The following SAPCD2 variants were observed in gnomAD, a reference collection of about 807,000 sequenced individuals.
SAPCD2 encodes the protein suppressor APC domain containing 2, also known as suppressor APC domain-containing protein 2.
Under a neutral mutation model 37.8 loss-of-function variants are expected in SAPCD2, and 34 were observed. That is an observed-to-expected ratio of 0.90 (90% CI 0.68 to 1.20). SAPCD2 has a LOEUF of 1.20. Among genes scored for constraint, SAPCD2 ranks in the 50% most tolerant of loss-of-function variants. SAPCD2 has a pLI of 0.00. For synonymous variants in SAPCD2, 275 were observed against 270.3 expected (o/e 1.02, Z -0.17); for missense variants, 572 against 584.7 (o/e 0.98, Z 0.22).
Position 137,062,696 on chromosome 9 carries a change from A to C in SAPCD2, c.*1963T>G, listed in dbSNP as rs1231416721. ...AGGGCAGGCTCCAGGCAGGGTCTGCATGTGCCTCTGCCAGCCACCTAGACC... is the reference window on the plus strand; with the variant it reads ...AGGGCAGGCTCCAGGCAGGGTCTGCCTGTGCCTCTGCCAGCCACCTAGACC... On this transcript the variant is annotated 3_prime_UTR_variant, in exon 6 of 6. Transcript: ENST00000409687. 6.6e-6 allele frequency: 1 copy of C among 152,194 alleles called. No homozygotes were observed. Among genetic ancestry groups the C allele is most frequent in the Non-Finnish European group, 1.5e-5 (1 of 68,040 alleles). 9.4% of individuals were successfully genotyped at this position (152,194 alleles called of 1,614,324 possible).
chr9:137,066,136 G>C (rs1832542594), intron 2 of SAPCD2, 126 bp downstream of exon 2: 6 of 763,580 alleles, frequency 7.9e-6, no homozygotes, highest in Admixed American at 2.2e-5. Flanking sequence ...GGTAGGGAGA[G>C]AGATGTCCAG....
Position 137,069,974 on chromosome 9 carries a change from C to T in SAPCD2, c.487G>A (p.Ala163Thr), listed in dbSNP as rs568945651. 1.1e-4 allele frequency: 136 copies of T among 1,242,918 alleles called. 1 individual carries two copies. The East Asian group carries it at 4.2e-3, about 38-fold the overall frequency. 77.0% of individuals were successfully genotyped at this position (1,242,918 alleles called of 1,614,324 possible). Residue 163 changes from alanine to threonine, a missense_variant, in exon 1 of 6, where the codon GCC becomes ACC. Ala to Thr is a moderately conservative substitution (Grantham distance 58). Coordinates refer to ENST00000409687, the MANE Select transcript of SAPCD2 (RefSeq NM_178448.4). ...AAARSPEQLC[A>T]PAEAAPCPAE... ...GGGCAGGGCGCCGCCTCAGCCGGGGCGCACAGCTGCTCCGGGCTGCGGGCG... is the reference window on the plus strand; with the variant it reads ...GGGCAGGGCGCCGCCTCAGCCGGGGTGCACAGCTGCTCCGGGCTGCGGGCG...
Position 137,070,431 on chromosome 9 carries a change from G to GGTGGA in SAPCD2, c.29_30insTCCAC (p.Arg11ProfsTer74), listed in dbSNP as rs1235860091. The GGTGGA allele has an allele frequency of 1.6e-6, 2 of 1,265,484 alleles. No homozygotes were observed. 78.4% of individuals were successfully genotyped at this position (1,265,484 alleles called of 1,614,324 possible). A position where few individuals can be genotyped will look rare whatever the true frequency, so the allele number is the denominator to read the frequency against. ...GCGCGGGTGCGGGGGGAGGCACGCG[G>GGTGGA]CCCCGCTCGGCCATGGCGGCCCCGG... On this transcript the variant is annotated frameshift_variant, in exon 1 of 6. Coordinates refer to ENST00000409687, the MANE Select transcript of SAPCD2 (RefSeq NM_178448.4). LOFTEE classifies it high-confidence loss of function.
chr9:137,067,767 T>TC lies in SAPCD2; in HGVS notation c.572-1394dup, dbSNP rs543725872. 2.4e-3 allele frequency among the ~76,000 whole-genome samples: 191 copies of TC among 78,268 alleles called. 1 individual carries two copies. Among genetic ancestry groups the TC allele is most frequent in the African/African-American group, 9.1e-3 (186 of 20,522 alleles). The allele number at this position is 78,268 out of a possible 152,430, so 51.3% of individuals were successfully genotyped here. On this transcript the variant is annotated intron_variant, in intron 1 of 5. Coordinates refer to ENST00000409687, the MANE Select transcript of SAPCD2 (RefSeq NM_178448.4). Reference sequence around the variant, plus strand: ...TCCAGCCTGGGCGACAGAGCAAGACTCCATCTCAAAAAAAAAAAAAAAAAA... The same window carrying TC: ...TCCAGCCTGGGCGACAGAGCAAGACTCCCATCTCAAAAAAAAAAAAAAAAAA...
Position 137,070,243 on chromosome 9 carries a change from C to A in SAPCD2, c.218G>T (p.Arg73Leu). ...GTAGCCGCTGGCCGGGGCCACCTGG[C>A]GCAAGCCCTCCAGCACCCCGCGGGG... is the stretch of plus-strand genomic sequence containing the variant. ...ELPRGVLEGL[R>L]QVAPASGYLT... Residue 73 changes from arginine to leucine, a missense_variant, in exon 1 of 6, where the codon CGC (arginine) becomes CTC (leucine). Arg to Leu is a moderately radical substitution (Grantham distance 102). Coordinates refer to ENST00000409687, the MANE Select transcript of SAPCD2 (RefSeq NM_178448.4). The A allele has an allele frequency of 2.1e-6, 3 of 1,419,434 alleles. No homozygotes were observed. The highest frequency in any genetic ancestry group is 1.8e-6 in the Non-Finnish European group (2 of 1,083,490). 87.9% of individuals were successfully genotyped at this position (1,419,434 alleles called of 1,614,324 possible). A position where few individuals can be genotyped will look rare whatever the true frequency, so the allele number is the denominator to read the frequency against.
intron 1 of SAPCD2, among the ~76,000 whole-genome samples, chr9:137,067,787 A>G (rs1439730380): frequency 6.7e-6 from 1 of 149,176 alleles, no homozygotes; most frequent in Non-Finnish European, 1.5e-5. Context: ...AAAAAAAAAA[A>G]AAAAAAAAAA....
rs1195311283 is a variant in SAPCD2 at position 137,064,027 on chromosome 9, C to A, written c.*632G>T. 1 of 161,958 alleles carries A rather than the reference C, an allele frequency of 6.2e-6. No homozygotes were observed. Among genetic ancestry groups the A allele is most frequent in the South Asian group, 1.6e-4 (1 of 6,164 alleles). The allele number at this position is 161,958 out of a possible 1,614,324, so 10.0% of individuals were successfully genotyped here. A position where few individuals can be genotyped will look rare whatever the true frequency, so the allele number is the denominator to read the frequency against. ...GGGAGGCACATGCAGGCCAAGCTCT[C>A]GCCCACCCGGCGTGCCGATCCGCTG... On this transcript the variant is annotated 3_prime_UTR_variant, in exon 6 of 6. Transcript: ENST00000409687.
intron 1 of SAPCD2, among the ~76,000 whole-genome samples, chr9:137,069,160 T>C (rs1276024342): frequency 6.6e-6 from 1 of 152,244 alleles, no homozygotes; most frequent in Non-Finnish European, 1.5e-5. Context: ...ATACAGGTCC[T>C]GTTCCCAAGG....
In SAPCD2 at chr9:137,063,988, A is replaced by C. The variant is rs1461862928; in HGVS notation, c.*671T>G. On this transcript the variant is annotated 3_prime_UTR_variant, in exon 6 of 6. Coordinates refer to ENST00000409687, the MANE Select transcript of SAPCD2 (RefSeq NM_178448.4). ...CCCGGCCAAGAGGGGGAAGGCCATC[A>C]CCCCAGGGTCTGTGGGAGGCACATG... 6.5e-6 allele frequency: 1 copy of C among 154,210 alleles called. No homozygotes were observed. Among genetic ancestry groups the C allele is most frequent in the East Asian group, 1.9e-4 (1 of 5,180 alleles). 9.6% of individuals were successfully genotyped at this position (154,210 alleles called of 1,614,324 possible).
Position 137,064,602 on chromosome 9 carries a change from C to A in SAPCD2, c.*57G>T. The A allele has an allele frequency of 6.4e-7, 1 of 1,553,550 alleles. No homozygotes were observed. The highest frequency in any genetic ancestry group is 8.7e-7 in the Non-Finnish European group (1 of 1,149,028). ...GAGAGGGTGGGTGCGATGGGGCGCCCACCCTCGAAGGGCTGAGTGCCAGGC... is the reference window on the plus strand; with the variant it reads ...GAGAGGGTGGGTGCGATGGGGCGCCAACCCTCGAAGGGCTGAGTGCCAGGC... On this transcript the variant is annotated 3_prime_UTR_variant, in exon 6 of 6. Coordinates refer to ENST00000409687, the MANE Select transcript of SAPCD2 (RefSeq NM_178448.4).
rs549717842 is a variant in SAPCD2 at position 137,067,542 on chromosome 9, C to T, written c.572-1168G>A. Among the ~76,000 whole-genome samples the T allele has an allele frequency of 6.7e-5, 10 of 149,002 alleles. No homozygotes were observed. In the East Asian group the frequency reaches 1.8e-3, roughly 27 times the overall value. ...ATCCCAGCACTTTGGGAAGCTGGGG[C>T]GGGGGGGGATCAGTTGAGGTCAGGA... On this transcript the variant is annotated intron_variant, in intron 1 of 5. Coordinates refer to ENST00000409687, the MANE Select transcript of SAPCD2 (RefSeq NM_178448.4).
chr9:137,064,496 C>A lies in SAPCD2; in HGVS notation c.*163G>T. ...GGTGCGGGGACCAGCCGGGGGCAGG[C>A]CTGGGGAGCCCATCTGGCAAGGGCG... On this transcript the variant is annotated 3_prime_UTR_variant, in exon 6 of 6. Coordinates refer to ENST00000409687, the MANE Select transcript of SAPCD2 (RefSeq NM_178448.4). The A allele has an allele frequency of 2.6e-6, 2 of 776,258 alleles. No homozygotes were observed. The highest frequency in any genetic ancestry group is 1.8e-5 in the South Asian group (1 of 55,320). The allele number at this position is 776,258 out of a possible 1,614,324, so 48.1% of individuals were successfully genotyped here. A position where few individuals can be genotyped will look rare whatever the true frequency, so the allele number is the denominator to read the frequency against.
At chr9:137,066,121 G>C (rs887051175) in intron 2 of SAPCD2, 141 bp downstream of exon 2, 13 of 727,114 alleles carry the variant, frequency 1.8e-5, no homozygotes, top group African/African-American at 1.4e-4. Flanking sequence ...GGGGAGTCAA[G>C]CCCAGGTAGG....
Position 137,062,295 on chromosome 9 carries a change from CTCATT to C in SAPCD2, c.*2359_*2363del, listed in dbSNP as rs2131525044. On this transcript the variant is annotated 3_prime_UTR_variant, in exon 6 of 6. Coordinates refer to ENST00000409687, the MANE Select transcript of SAPCD2 (RefSeq NM_178448.4). ...TTTATGAATTTTTAAACCTGGATCT[CTCATT>C]TTCTTTCTTTCTTTTTTTTTTTTGT... 6.6e-6 allele frequency: 1 copy of C among 150,980 alleles called. No individual in the cohort carries two copies. Among genetic ancestry groups the C allele is most frequent in the African/African-American group, 2.4e-5 (1 of 41,226 alleles). 9.4% of individuals were successfully genotyped at this position (150,980 alleles called of 1,614,324 possible).
rs1832610045 is a variant in SAPCD2, at chr9:137,070,422, A to C, written c.39T>G (p.Pro13=). 1.6e-6 allele frequency: 2 copies of C among 1,289,894 alleles called. No homozygotes were observed. Among genetic ancestry groups the C allele is most frequent in the Non-Finnish European group, 2.0e-6 (2 of 1,019,126 alleles). 79.9% of individuals were successfully genotyped at this position (1,289,894 alleles called of 1,614,324 possible). A position where few individuals can be genotyped will look rare whatever the true frequency, so the allele number is the denominator to read the frequency against. Residue 13 remains proline (P), a synonymous_variant, in exon 1 of 6, where the codon CCT becomes CCG. Transcript: ENST00000409687. ...GAAMAERGRV[P]PPAPAPSTEG... is the part of the protein sequence containing the mutation. ...CCGTGCTGGGCGCGGGTGCGGGGGGAGGCACGCGGCCCCGCTCGGCCATGG... is the reference window on the plus strand; with the variant it reads ...CCGTGCTGGGCGCGGGTGCGGGGGGCGGCACGCGGCCCCGCTCGGCCATGG...
In SAPCD2 at chr9:137,069,944, C is replaced by A; in HGVS notation, c.517G>T (p.Glu173Ter). ...APAEAAPCPA[E>*]PERSQSAALE... ...GCCGCGCTCTGGGACCGCTCGGGCTCCGCGGGGCAGGGCGCCGCCTCAGCC... is the reference window on the plus strand; with the variant it reads ...GCCGCGCTCTGGGACCGCTCGGGCTACGCGGGGCAGGGCGCCGCCTCAGCC... Residue 173 changes from glutamate (E) to a stop codon, truncating the protein, a stop_gained, in exon 1 of 6, where the codon GAG (glutamate) becomes TAG (stop). Transcript: ENST00000409687. LOFTEE classifies it high-confidence loss of function. The A allele has an allele frequency of 9.5e-6, 12 of 1,268,424 alleles. No individual in the cohort carries two copies. The highest frequency in any genetic ancestry group is 1.2e-5 in the Non-Finnish European group (12 of 1,007,836). The allele number at this position is 1,268,424 out of a possible 1,614,324, so 78.6% of individuals were successfully genotyped here.
chr9:137,064,501 G>A lies in SAPCD2; in HGVS notation c.*158C>T. ...GGGGACCAGCCGGGGGCAGGCCTGG[G>A]GAGCCCATCTGGCAAGGGCGGCAGG... On this transcript the variant is annotated 3_prime_UTR_variant, in exon 6 of 6. Coordinates refer to ENST00000409687, the MANE Select transcript of SAPCD2 (RefSeq NM_178448.4). 1 of 811,074 alleles carries A rather than the reference G, an allele frequency of 1.2e-6. No homozygotes were observed. Among genetic ancestry groups the A allele is most frequent in the Non-Finnish European group, 1.9e-6 (1 of 522,780 alleles). 50.2% of individuals were successfully genotyped at this position (811,074 alleles called of 1,614,324 possible).
chr9:137,068,464 AC>A, intron 1 of SAPCD2, among the ~76,000 whole-genome samples: 1 of 152,350 alleles, frequency 6.6e-6, no homozygotes, highest in East Asian at 1.9e-4. Context: ...TGGAGCAAAC[AC>A]GCAGTCCCAG....
chr9:137,065,138 G>C lies in SAPCD2; in HGVS notation c.879C>G (p.Pro293=), dbSNP rs763438732. 3 of 1,530,486 alleles carry C rather than the reference G, an allele frequency of 2.0e-6. No individual in the cohort carries two copies. Among genetic ancestry groups the C allele is most frequent in the East Asian group, 2.4e-5 (1 of 42,024 alleles). 94.8% of individuals were successfully genotyped at this position (1,530,486 alleles called of 1,614,324 possible). Residue 293 remains proline (P), a synonymous_variant, in exon 4 of 6, where the codon CCC becomes CCG. Coordinates refer to ENST00000409687, the MANE Select transcript of SAPCD2 (RefSeq NM_178448.4). ...GSPRPLGRLL[P]KVQEVARCLG... The stretch of plus-strand genomic sequence containing the variant: ...GGCACCGGGCCACCTCTTGTACCTT[G>C]GGCAGTAGCCGCCCCAGTGGGCGGG...
Sources: allele counts gnomAD v4.1 joint callset (sites outside exome capture counted in the v4.1 genomes callset), GRCh38; gene constraint gnomAD v4.1.1; transcripts MANE v1.5; gene names NCBI Gene and HGNC (gene_info 2026-07-23, HGNC 2026-07-21).